ANKFN1: variants seen among roughly 807,000 people sequenced by gnomAD.
ANKFN1 encodes the protein ankyrin repeat and fibronectin type III domain containing 1, also known as ankyrin repeat and fibronectin type-III domain-containing protein 1.
A neutral mutation model predicts 108.7 loss-of-function variants in ANKFN1; 74 were observed. The observed-to-expected ratio is 0.68, with a 90% confidence interval of 0.56 to 0.83. ANKFN1 has a LOEUF of 0.83. ANKFN1 is among the 40% of genes least tolerant of loss of function. The pLI is 0.00. For missense variants in ANKFN1, 1,505 were observed against 1,382.3 expected (o/e 1.09, Z -1.41); for synonymous variants, 547 against 516.2 (o/e 1.06, Z -0.81).
intron 1 of ANKFN1, among the ~76,000 whole-genome samples, chr17:56,161,983 A>G (rs1909697344): frequency 6.6e-6 from 1 of 152,220 alleles, no homozygotes; most frequent in Non-Finnish European, 1.5e-5. Context: ...GATCAGCACC[A>G]TGAGTAAGTT....
chr17:56,448,365 T>G (rs1239660365), intron 10 of ANKFN1, among the ~76,000 whole-genome samples: 2 of 152,114 alleles, frequency 1.3e-5, no homozygotes, highest in Non-Finnish European at 2.9e-5. Context: ...CTTGATATCA[T>G]TATAGCTAAA....
chr17:56,307,779 G>A (rs1352342690), intron 3 of ANKFN1, among the ~76,000 whole-genome samples: 5 of 152,120 alleles, frequency 3.3e-5, no homozygotes, highest in African/African-American at 4.8e-5. Flanking sequence ...ACATGCACAC[G>A]TATGTTTATT....
chr17:56,232,908 G>A (rs1405025334), intron 3 of ANKFN1, among the ~76,000 whole-genome samples: 2 of 152,112 alleles, frequency 1.3e-5, no homozygotes, highest in Non-Finnish European at 2.9e-5. Context: ...GCATTGTAGA[G>A]TTAATTAATA....
intron 4 of ANKFN1, among the ~76,000 whole-genome samples, chr17:56,091,665 G>C (rs1905423500): frequency 6.6e-6 from 1 of 151,432 alleles, no homozygotes; most frequent in Non-Finnish European, 1.5e-5. Context: ...TTGGGAGCCA[G>C]CTCATTTTTC....
At chr17:56,332,301 G>A (rs2045686118) in intron 4 of ANKFN1, among the ~76,000 whole-genome samples, 2 of 152,132 alleles carry the variant, frequency 1.3e-5, no homozygotes, top group African/African-American at 2.4e-5. Context: ...TGCTTGTGAA[G>A]CCAACATGAG....
At chr17:56,413,897 C>T (rs368841923) in intron 8 of ANKFN1, among the ~76,000 whole-genome samples, 11 of 152,026 alleles carry the variant, frequency 7.2e-5, no homozygotes, top group Non-Finnish European at 1.5e-4. Flanking sequence ...AGTCTGGTCT[C>T]GAACTCCTGA....
chr17:56,503,195 G>A (rs2051432050), intron 20 of ANKFN1, among the ~76,000 whole-genome samples: 2 of 152,018 alleles, frequency 1.3e-5, no homozygotes. Context: ...GCAATAGAGG[G>A]GAGGGGGGTG....
Position 56,368,276 on chromosome 17 carries a change from C to CTTGTTTTTTTTTTTTTTT in ANKFN1, c.602-4368_602-4367insGTTTTTTTTTTTTTTTTT, listed in dbSNP as rs2046713760. Reference sequence around the variant, plus strand: ...CAAACTTGAATAAACTGAAAATGAACTTTTTTTTTTTTTTTTTTTTTGAGA... The same window carrying CTTGTTTTTTTTTTTTTTT: ...CAAACTTGAATAAACTGAAAATGAACTTGTTTTTTTTTTTTTTTTTTTTTTTTTTTTTTTTTTTTGAGA... On this transcript the variant is annotated intron_variant, in intron 6 of 20. Coordinates refer to ENST00000682825, the MANE Select transcript of ANKFN1 (RefSeq NM_001370326.1). 2 of 65,416 alleles carry CTTGTTTTTTTTTTTTTTT rather than the reference C, an allele frequency of 3.1e-5. 1 individual carries two copies. The highest frequency in any genetic ancestry group is 7.4e-4 in the Admixed American group (2 of 2,712). The allele number at this position is 65,416 out of a possible 1,614,324, so 4.1% of individuals were successfully genotyped here. A position where few individuals can be genotyped will look rare whatever the true frequency, so the allele number is the denominator to read the frequency against.
intron 1 of ANKFN1, among the ~76,000 whole-genome samples, chr17:56,182,964 C>T (rs1911832704): frequency 6.6e-6 from 1 of 152,274 alleles, no homozygotes; most frequent in Non-Finnish European, 1.5e-5. Flanking sequence ...GATGACAGCA[C>T]ATCTGTTTAC....
chr17:56,458,901 C>T (rs958882950), intron 14 of ANKFN1, among the ~76,000 whole-genome samples: 3 of 152,114 alleles, frequency 2.0e-5, no homozygotes, highest in African/African-American at 4.8e-5. Context: ...GGCTTTGCCC[C>T]CCACCTACAA....
At chr17:56,357,782 G>A (rs2046412610) in intron 6 of ANKFN1, among the ~76,000 whole-genome samples, 1 of 152,118 alleles carries the variant, frequency 6.6e-6, no homozygotes, top group South Asian at 2.1e-4. Flanking sequence ...AAAGAGGCAG[G>A]ATATATAAGA....
chr17:56,181,623 A>G (rs1450030496), intron 1 of ANKFN1, among the ~76,000 whole-genome samples: 1 of 152,240 alleles, frequency 6.6e-6, no homozygotes, highest in African/African-American at 2.4e-5. Context: ...ACTTCCAGTG[A>G]TCAGATCACT....
At chr17:56,105,110 T>A (rs1431243200) in intron 4 of ANKFN1, among the ~76,000 whole-genome samples, 1 of 152,160 alleles carries the variant, frequency 6.6e-6, no homozygotes, top group Non-Finnish European at 1.5e-5. Flanking sequence ...TGGATGGTAA[T>A]GGGTGAGAAG....
intron 8 of ANKFN1, among the ~76,000 whole-genome samples, chr17:56,433,627 A>G (rs1035125828): frequency 7.9e-5 from 12 of 152,152 alleles, no homozygotes; most frequent in African/African-American, 2.4e-4. Context: ...AGCTAAAGCT[A>G]TGAGGATACA....
chr17:56,151,367 A>C (rs1014838702), upstream of ANKFN1, among the ~76,000 whole-genome samples: 2 of 152,202 alleles, frequency 1.3e-5, no homozygotes, highest in Non-Finnish European at 2.9e-5. Flanking sequence ...GATATTCCCA[A>C]ATGATATGAA....
intron 10 of ANKFN1, among the ~76,000 whole-genome samples, chr17:56,446,038 C>T (rs2049275807): frequency 6.6e-6 from 1 of 152,172 alleles, no homozygotes; most frequent in African/African-American, 2.4e-5. Flanking sequence ...ATGTAGTCGT[C>T]AGAACCTTCC....
chr17:56,391,048 A>G (rs2047410098), intron 8 of ANKFN1, among the ~76,000 whole-genome samples: 2 of 151,192 alleles, frequency 1.3e-5, no homozygotes, highest in Admixed American at 6.6e-5. Context: ...TATTTCCCGA[A>G]TTTAATTTGA....
chr17:56,220,042 A>AAGTT (rs1915725423), intron 2 of ANKFN1, among the ~76,000 whole-genome samples: 1 of 152,240 alleles, frequency 6.6e-6, no homozygotes, highest in African/African-American at 2.4e-5. Context: ...GTAACTTAGT[A>AAGTT]TGCTGGTAAA....
chr17:56,162,078 A>C (rs1909703750), intron 1 of ANKFN1, among the ~76,000 whole-genome samples: 2 of 152,076 alleles, frequency 1.3e-5, no homozygotes, highest in South Asian at 4.2e-4. Flanking sequence ...TCACATGTCC[A>C]CCCCACCCCC....
Sources: gnomAD v4.1 joint callset for allele counts (sites outside exome capture counted in the v4.1 genomes callset) on GRCh38, gnomAD v4.1.1 for gene constraint, MANE v1.5 for transcripts, NCBI Gene and HGNC (gene_info 2026-07-23, HGNC 2026-07-21) for gene names.